Variants in RNGTT observed in about 807,000 individuals in gnomAD.
RNGTT encodes the protein RNA guanylyltransferase and 5'-phosphatase.
RNGTT carries 33 observed loss-of-function variants against 79.3 expected under a neutral mutation model. The observed-to-expected ratio is 0.42, with a 90% CI of 0.32 to 0.56. The LOEUF (loss-of-function observed/expected upper bound fraction) is 0.56, where lower values mean the gene tolerates loss of function less well. Ranked by LOEUF, RNGTT falls within the 20% of genes least tolerant of loss-of-function variation. The probability of loss-of-function intolerance (pLI) is 0.17; values close to 1 mark genes in which losing one functional copy is unlikely to be tolerated. For missense variants in RNGTT, 497 were observed against 739.1 expected (o/e 0.67, Z 3.80); for synonymous variants, 222 against 235.9 (o/e 0.94, Z 0.54).
chr6:88,716,177 A>G (rs1298615414), intron 13 of RNGTT, among the ~76,000 whole-genome samples: 1 of 152,170 alleles, frequency 6.6e-6, no homozygotes. Context: ...GACATTTCTC[A>G]AAAGAAGACA....
intron 8 of RNGTT, among the ~76,000 whole-genome samples, chr6:88,869,659 T>TTG (rs1782291896): frequency 6.6e-6 from 1 of 152,148 alleles, no homozygotes; most frequent in South Asian, 2.1e-4. Context: ...AATTAACTGG[T>TTG]TGCTACTAGT....
At chr6:88,722,914 G>T (rs1222565226) in intron 13 of RNGTT, among the ~76,000 whole-genome samples, 2 of 152,092 alleles carry the variant, frequency 1.3e-5, no homozygotes, top group Non-Finnish European at 2.9e-5. Context: ...CAAACCTACT[G>T]GGCTGCCAGC....
At position 88,928,852 on chromosome 6, in the gene RNGTT, C is replaced by A. The variant is rs1348754402; in HGVS notation, c.367+133G>T. On this transcript the variant is annotated intron_variant, in intron 4 of 15. Transcript: ENST00000369485. ...TTACATAATTCACAAGTCAATCTCTCATTTTAATAAACACTACTTGGTCAT... is the reference window on the plus strand; with the variant it reads ...TTACATAATTCACAAGTCAATCTCTAATTTTAATAAACACTACTTGGTCAT... The A allele has an allele frequency of 6.6e-6, 4 of 604,696 alleles. No individual in the cohort carries two copies. The Admixed American group carries it at 9.6e-5, about 14-fold the overall frequency. 37.5% of individuals were successfully genotyped at this position (604,696 alleles called of 1,614,324 possible). A position where few individuals can be genotyped will look rare whatever the true frequency, so the allele number is the denominator to read the frequency against.
chr6:88,626,480 A>G (rs964212), intron 14 of RNGTT, among the ~76,000 whole-genome samples: 4,550 of 152,130 alleles, frequency 0.03, 228 homozygotes, highest in African/African-American at 0.1. Context: ...TTTCACTTGG[A>G]AGAGTCTAAA....
chr6:88,927,729 G>A (rs1784367370), intron 4 of RNGTT, among the ~76,000 whole-genome samples: 2 of 151,720 alleles, frequency 1.3e-5, no homozygotes, highest in South Asian at 4.2e-4. Flanking sequence ...AGCTACTCAG[G>A]GGGCTGAGGT....
chr6:88,918,197 C>A (rs1046401619), intron 4 of RNGTT, among the ~76,000 whole-genome samples: 7 of 151,984 alleles, frequency 4.6e-5, no homozygotes, highest in African/African-American at 1.7e-4. Context: ...GTGGCAAGTG[C>A]CTGTAGTACC....
intron 4 of RNGTT, among the ~76,000 whole-genome samples, chr6:88,921,993 T>C (rs1784177982): frequency 6.6e-6 from 1 of 152,068 alleles, no homozygotes; most frequent in African/African-American, 2.4e-5. Context: ...TTTTGGTATC[T>C]GAGGGGGATC....
intron 4 of RNGTT, among the ~76,000 whole-genome samples, chr6:88,913,226 AC>A (rs1783891578): frequency 2.8e-5 from 4 of 143,872 alleles, no homozygotes. Context: ...AAAAAAAAAA[AC>A]AAAAAAAAAA....
At position 88,780,227 on chromosome 6, in the gene RNGTT, C is replaced by T. The variant is rs985428285; in HGVS notation, c.1339-10353G>A. Among the ~76,000 whole-genome samples the T allele has an allele frequency of 5.9e-5, 9 of 152,078 alleles. No individual in the cohort carries two copies. The East Asian group carries it at 1.7e-3, about 29-fold the overall frequency. On this transcript the variant is annotated intron_variant, in intron 12 of 15. Transcript: ENST00000369485. Reference sequence around the variant, plus strand: ...TAATTAAAAATACAGAATTTCAAAACTTACTACAAAAATATCTGTCTCAGG... The same window carrying T: ...TAATTAAAAATACAGAATTTCAAAATTTACTACAAAAATATCTGTCTCAGG...
In RNGTT at chr6:88,776,506, C is replaced by CT. The variant is rs1181867152; in HGVS notation, c.1339-6633dup. ...AGCTAATTTTGCATTTTTTTTTCTT[C>CT]TTTTTTTTAGTAGAGATGGGGTTTC... On this transcript the variant is annotated intron_variant, in intron 12 of 15. Coordinates refer to ENST00000369485, the MANE Select transcript of RNGTT (RefSeq NM_003800.5). Among the ~76,000 whole-genome samples, 7 of 149,260 alleles carry CT rather than the reference C, an allele frequency of 4.7e-5. No homozygotes were observed. The South Asian group carries it at 6.3e-4, about 14-fold the overall frequency.
intron 11 of RNGTT, among the ~76,000 whole-genome samples, chr6:88,841,056 T>C (rs1315201243): frequency 2.0e-5 from 3 of 152,178 alleles, no homozygotes; most frequent in African/African-American, 7.2e-5. Context: ...AATGTTCTCA[T>C]AAGAGAACAC....
At chr6:88,748,666 TG>T (rs1478303286) in intron 13 of RNGTT, among the ~76,000 whole-genome samples, 1 of 152,150 alleles carries the variant, frequency 6.6e-6, no homozygotes, top group Non-Finnish European at 1.5e-5. Flanking sequence ...GATCTGATTT[TG>T]CATGAATATA....
intron 11 of RNGTT, among the ~76,000 whole-genome samples, chr6:88,829,856 T>G (rs980615833): frequency 1.5e-4 from 23 of 152,240 alleles, no homozygotes; most frequent in South Asian, 2.1e-4. Flanking sequence ...TAAATATATA[T>G]GCACCCAATA....
intron 8 of RNGTT, among the ~76,000 whole-genome samples, chr6:88,857,554 G>A (rs1254632930): frequency 6.6e-6 from 1 of 152,052 alleles, no homozygotes; most frequent in Non-Finnish European, 1.5e-5. Context: ...AAACTCAAAT[G>A]TCCATCATTC....
chr6:88,937,858 T>C (rs1203965291), intron 2 of RNGTT, among the ~76,000 whole-genome samples: 1 of 152,236 alleles, frequency 6.6e-6, no homozygotes, highest in South Asian at 2.1e-4. Context: ...AAGTCCCTTA[T>C]TATTGACTTC....
chr6:88,834,150 C>T (rs1387526852), intron 11 of RNGTT, among the ~76,000 whole-genome samples: 4 of 152,032 alleles, frequency 2.6e-5, no homozygotes, highest in African/African-American at 7.2e-5. Flanking sequence ...GAAAATTCTC[C>T]ATGTTACAAT....
chr6:88,643,030 G>A (rs1248869480), intron 14 of RNGTT, among the ~76,000 whole-genome samples: 1 of 152,034 alleles, frequency 6.6e-6, no homozygotes. Flanking sequence ...ATCCTGCTTA[G>A]CCCACTGTAA....
chr6:88,710,638 C>G (rs1776287218), intron 13 of RNGTT, among the ~76,000 whole-genome samples: 1 of 152,114 alleles, frequency 6.6e-6, no homozygotes, highest in Non-Finnish European at 1.5e-5. Context: ...CAAATGATCC[C>G]TGAAAGGCCA....
At chr6:88,692,148 T>C in intron 13 of RNGTT, among the ~76,000 whole-genome samples, 1 of 152,070 alleles carries the variant, frequency 6.6e-6, no homozygotes, top group East Asian at 1.9e-4. Context: ...AGCAAGCCAG[T>C]GATAACTGAA....
Sources: allele counts gnomAD v4.1 joint callset (sites outside exome capture counted in the v4.1 genomes callset), GRCh38; gene constraint gnomAD v4.1.1; transcripts MANE v1.5; gene names NCBI Gene and HGNC (gene_info 2026-07-23, HGNC 2026-07-21).